Variants in PDE12 observed in about 807,000 individuals in gnomAD.
PDE12 encodes the protein phosphodiesterase 12.
Under a neutral mutation model 45.4 loss-of-function variants are expected in PDE12, and 26 were observed. That is an observed-to-expected ratio of 0.57 (90% CI 0.42 to 0.79). The LOEUF is 0.79. PDE12 is among the 30% of genes least tolerant of loss of function. PDE12 has a pLI of 0.00. For missense variants in PDE12, 668 were observed against 790.0 expected, an observed-to-expected ratio of 0.85 and a Z score of 1.85; for synonymous variants, 283 against 323.9, an observed-to-expected ratio of 0.87 and a Z score of 1.36.
the PDE12 span, chr3:57,628,157 A>C: frequency 1.3e-6 from 2 of 1,570,760 alleles, no homozygotes; most frequent in Non-Finnish European, 1.7e-6. Flanking sequence ...GTCTGGTTGA[A>C]ATGTCAGTAT....
At chr3:57,645,556 CTTTTA>C in the PDE12 span, 1 of 766,668 alleles carries the variant, frequency 1.3e-6, no homozygotes, top group South Asian at 2.4e-5. Flanking sequence ...TCAAACTTTC[CTTTTA>C]TAAGATCATT....
the PDE12 span, among the ~76,000 whole-genome samples, chr3:57,591,265 T>C: frequency 6.6e-6 from 1 of 152,160 alleles, no homozygotes; most frequent in South Asian, 2.1e-4. Context: ...TTCATGAATG[T>C]TGAAGAGCTA....
At chr3:57,584,021 C>T in the PDE12 span, 2 of 1,523,734 alleles carry the variant, frequency 1.3e-6, no homozygotes, top group Admixed American at 1.7e-5. Context: ...CAAAGAAAAA[C>T]AAAAATGACC....
chr3:57,628,734 T>G, the PDE12 span: 1 of 1,440,770 alleles, frequency 6.9e-7, no homozygotes, highest in Non-Finnish European at 9.5e-7. Context: ...CGAACTATCA[T>G]GGGTTGTCAG....
chr3:57,567,958 C>T, downstream of PDE12, among the ~76,000 whole-genome samples: 1 of 149,290 alleles, frequency 6.7e-6, no homozygotes, highest in Non-Finnish European at 1.5e-5. Context: ...ATCCCAGCTA[C>T]TCGGGAGGCT....
chr3:57,593,211 A>AAAAAAT, the PDE12 span, among the ~76,000 whole-genome samples: 1 of 152,280 alleles, frequency 6.6e-6, no homozygotes, highest in Non-Finnish European at 1.5e-5. Context: ...ACCCTGTCTC[A>AAAAAAT]AAAAATAAAA....
chr3:57,570,219 G>GTTTTTTTTTTTTTTTTGTTTTTT, downstream of PDE12, among the ~76,000 whole-genome samples: 1 of 102,314 alleles, frequency 9.8e-6, no homozygotes, highest in African/African-American at 3.9e-5. Flanking sequence ...TTAATCCAGT[G>GTTTTTTTTTTTTTTTTGTTTTTT]TTTTTTTTTT....
chr3:57,559,186 A>T (rs1043855915), intron 1 of PDE12, 124 bp from the exon 2 acceptor site: 1 of 729,272 alleles, frequency 1.4e-6, no homozygotes, highest in Non-Finnish European at 2.3e-6. Context: ...GCGCTACTGC[A>T]CTCCAGCCTG....
chr3:57,594,622 G>A, the PDE12 span, among the ~76,000 whole-genome samples: 1 of 152,150 alleles, frequency 6.6e-6, no homozygotes, highest in Non-Finnish European at 1.5e-5. Context: ...CTTCTCCATA[G>A]TAGTTTGGCA....
At chr3:57,606,597 T>A in the PDE12 span, among the ~76,000 whole-genome samples, 106 of 152,224 alleles carry the variant, frequency 7.0e-4, 1 homozygote, top group Non-Finnish European at 9.1e-4. Flanking sequence ...AAACTTTTTT[T>A]AAAAACAGAT....
downstream of PDE12, among the ~76,000 whole-genome samples, chr3:57,570,922 G>A (rs1034694761): frequency 5.9e-5 from 9 of 152,040 alleles, no homozygotes; most frequent in Admixed American, 3.3e-4. Flanking sequence ...TTTTATTACA[G>A]CCTTTTACTC....
chr3:57,566,745 T>TA lies in PDE12; in HGVS notation c.*6742dup. ...TTTTCATGTGCTCGTTGGCCATCTA[T>TA]ATATCTCTGGAGAAATGTCTTTTGA... On this transcript the variant is annotated 3_prime_UTR_variant, in exon 3 of 3. Transcript: ENST00000311180. 6.6e-6 allele frequency: 1 copy of TA among 152,210 alleles called. No homozygotes were observed. The highest frequency in any genetic ancestry group is 1.9e-4 in the East Asian group (1 of 5,204). 9.4% of individuals were successfully genotyped at this position (152,210 alleles called of 1,614,324 possible). A position where few individuals can be genotyped will look rare whatever the true frequency, so the allele number is the denominator to read the frequency against.
chr3:57,559,845 T>G lies in PDE12; in HGVS notation c.1671T>G (p.His557Gln). The G allele has an allele frequency of 1.2e-6, 2 of 1,614,206 alleles. No individual in the cohort carries two copies. Among genetic ancestry groups the G allele is most frequent in the Non-Finnish European group, 1.7e-6 (2 of 1,180,038 alleles). ...PAYTNYVGGF[H>Q]GCLDYIFIDL... Reference sequence around the variant, plus strand: ...ACACAAATTATGTTGGTGGCTTTCATGGATGTCTAGATTACATTTTCATTG... The same window carrying G: ...ACACAAATTATGTTGGTGGCTTTCAGGGATGTCTAGATTACATTTTCATTG... Residue 557 changes from histidine (H) to glutamine (Q), a missense_variant, in exon 3 of 3, where the codon CAT becomes CAG. This residue lies in a region of PDE12 where 79 missense variants were observed against 97.9 expected (regional missense o/e 0.81). Coordinates refer to ENST00000311180, the MANE Select transcript of PDE12 (RefSeq NM_177966.7).
chr3:57,613,292 A>C, the PDE12 span, among the ~76,000 whole-genome samples: 6 of 148,590 alleles, frequency 4.0e-5, no homozygotes, highest in African/African-American at 1.2e-4. Context: ...AAAAAAAAAA[A>C]ACAACTTTTT....
At chr3:57,647,039 C>T in the PDE12 span, among the ~76,000 whole-genome samples, 2 of 152,134 alleles carry the variant, frequency 1.3e-5, no homozygotes, top group Non-Finnish European at 2.9e-5. Context: ...GCCTAAGACA[C>T]TTGGTAACTT....
At chr3:57,588,525 T>C in the PDE12 span, among the ~76,000 whole-genome samples, 1 of 150,826 alleles carries the variant, frequency 6.6e-6, no homozygotes, top group Admixed American at 6.6e-5. Context: ...CTGGACAACA[T>C]GGCAAAACCC....
the PDE12 span, among the ~76,000 whole-genome samples, chr3:57,587,532 AC>A: frequency 4.0e-5 from 6 of 151,744 alleles, no homozygotes; most frequent in Non-Finnish European, 7.4e-5. Flanking sequence ...ATTTTTTTTT[AC>A]CCAAAAATCA....
downstream of PDE12, among the ~76,000 whole-genome samples, chr3:57,567,083 T>C (rs1409176787): frequency 6.6e-6 from 1 of 151,926 alleles, no homozygotes; most frequent in Non-Finnish European, 1.5e-5. Context: ...GCCAAGGCGG[T>C]TGGATCACTT....
the PDE12 span, among the ~76,000 whole-genome samples, chr3:57,644,114 C>T: frequency 6.7e-6 from 1 of 148,466 alleles, no homozygotes; most frequent in African/African-American, 2.5e-5. Context: ...GGCGCCATTG[C>T]ACTCCCTCCT....
Sources: allele counts gnomAD v4.1 joint callset (sites outside exome capture counted in the v4.1 genomes callset), GRCh38; gene constraint gnomAD v4.1.1; regional missense constraint gnomAD v4.1.1; transcripts MANE v1.5; gene names NCBI Gene and HGNC (gene_info 2026-07-23, HGNC 2026-07-21).